The following HTR4 variants were observed in gnomAD, a reference collection of about 807,000 sequenced individuals.
HTR4 encodes 5-hydroxytryptamine (serotonin) receptor 4, G protein-coupled.
HTR4 carries 16 observed loss-of-function variants against 36.8 expected under a neutral mutation model. That is an observed-to-expected ratio of 0.43 (90% CI 0.29 to 0.66). The LOEUF is 0.66. Among genes scored for constraint, HTR4 ranks in the 30% least tolerant of loss-of-function variants. The pLI, the probability that HTR4 is intolerant of heterozygous loss-of-function variation, is 0.13. For missense variants in HTR4, 438 were observed against 490.9 expected (o/e 0.89, Z 1.02); for synonymous variants, 189 against 185.1 (o/e 1.02, Z -0.17).
intron 2 of HTR4, among the ~76,000 whole-genome samples, chr5:148,553,904 G>T (rs1156681715): frequency 6.6e-6 from 1 of 152,130 alleles, no homozygotes; most frequent in Non-Finnish European, 1.5e-5. Context: ...TGAAAGCAGG[G>T]ATACAAACAG....
intron 1 of HTR4, among the ~76,000 whole-genome samples, chr5:148,651,220 A>T (rs1272225787): frequency 6.6e-6 from 1 of 152,184 alleles, no homozygotes; most frequent in Non-Finnish European, 1.5e-5. Flanking sequence ...TTATTATTAT[A>T]TTGCCTTCCA....
exon 6 of HTR4, chr5:148,451,148 T>C (rs763150311): frequency 3.7e-6 from 6 of 1,612,956 alleles, no homozygotes; most frequent in Non-Finnish European, 5.1e-6. Context: ...CAAACATGAA[T>C]GCGAATGAAT....
At chr5:148,580,396 C>T (rs987100824) in intron 2 of HTR4, among the ~76,000 whole-genome samples, 7 of 151,994 alleles carry the variant, frequency 4.6e-5, no homozygotes, top group African/African-American at 1.7e-4. Flanking sequence ...TGCCAAAATT[C>T]CCCCTTTTTA....
chr5:148,515,492 A>G (rs1757699173), intron 5 of HTR4, among the ~76,000 whole-genome samples: 1 of 152,190 alleles, frequency 6.6e-6, no homozygotes, highest in Non-Finnish European at 1.5e-5. Flanking sequence ...AAAAATTCCC[A>G]TAAAAGTCAC....
chr5:148,493,583 T>C (rs1163799432), intron 6 of HTR4, among the ~76,000 whole-genome samples: 1 of 152,134 alleles, frequency 6.6e-6, no homozygotes, highest in Non-Finnish European at 1.5e-5. Context: ...CAATGATGAA[T>C]GATAAATTGG....
intron 1 of HTR4, chr5:148,645,616 T>C (rs960283093): frequency 2.0e-5 from 3 of 152,176 alleles, no homozygotes; most frequent in Admixed American, 2.0e-4. Context: ...AGCAGCCTCA[T>C]CTGTATAATG....
intron 5 of HTR4, chr5:148,451,357 C>T (rs1284031453): frequency 1.3e-6 from 2 of 1,597,672 alleles, no homozygotes; most frequent in African/African-American, 1.3e-5. Context: ...CTACTCTTGA[C>T]TTCCTTTCTT....
intron 5 of HTR4, among the ~76,000 whole-genome samples, chr5:148,456,177 A>G (rs1253016248): frequency 6.6e-6 from 1 of 152,192 alleles, no homozygotes; most frequent in Non-Finnish European, 1.5e-5. Context: ...TTATAAAGAC[A>G]TACCCTGGGT....
chr5:148,548,530 A>T, intron 4 of HTR4, 138 bp downstream of exon 4: 1 of 753,428 alleles, frequency 1.3e-6, no homozygotes, highest in Non-Finnish European at 2.2e-6. Flanking sequence ...CTGGAGAATG[A>T]CTGTATAACT....
intron 5 of HTR4, chr5:148,451,284 G>A: frequency 1.9e-6 from 3 of 1,613,590 alleles, no homozygotes; most frequent in Non-Finnish European, 2.5e-6. Context: ...TAGAAAGGAA[G>A]GAAAGAAGGC....
At chr5:148,545,346 T>G (rs1343181247) in intron 4 of HTR4, among the ~76,000 whole-genome samples, 1 of 152,242 alleles carries the variant, frequency 6.6e-6, no homozygotes, top group Non-Finnish European at 1.5e-5. Flanking sequence ...TGTTCAATCG[T>G]GTTTGTCAAA....
chr5:148,540,455 T>C (rs1224203218), intron 4 of HTR4, among the ~76,000 whole-genome samples: 1 of 140,078 alleles, frequency 7.1e-6, no homozygotes, highest in Admixed American at 7.1e-5. Context: ...TATAATCTTA[T>C]ATATAATTTT....
chr5:148,513,166 T>G (rs1209360661), intron 5 of HTR4, among the ~76,000 whole-genome samples: 1 of 152,032 alleles, frequency 6.6e-6, no homozygotes, highest in Non-Finnish European at 1.5e-5. Context: ...TTTTTAAATA[T>G]TTTTTGTAAA....
intron 5 of HTR4, chr5:148,461,823 G>A (rs898904649): frequency 5.3e-5 from 8 of 151,942 alleles, no homozygotes; most frequent in Non-Finnish European, 8.8e-5. Flanking sequence ...TTCTTCTTAA[G>A]TTCATATGGA....
rs1046003443 is a variant in HTR4, at chr5:148,481,975, T to C, written c.*1228A>G. ...GAGGTAGCAGACGGCTATAGCAGCA[T>C]ACTGTTGTCTTAGAAACAGAAAGAA... On this transcript the variant is annotated 3_prime_UTR_variant, in exon 7 of 7. Coordinates refer to ENST00000377888, the MANE Select transcript of HTR4 (RefSeq NM_000870.7). The C allele has an allele frequency of 9.7e-7, 1 of 1,028,310 alleles. No homozygotes were observed. Among genetic ancestry groups the C allele is most frequent in the Non-Finnish European group, 1.2e-6 (1 of 858,630 alleles). The allele number at this position is 1,028,310 out of a possible 1,614,324, so 63.7% of individuals were successfully genotyped here.
intron 5 of HTR4, among the ~76,000 whole-genome samples, chr5:148,458,066 CTATT>C (rs1422936867): frequency 1.1e-5 from 1 of 89,246 alleles, no homozygotes; most frequent in Non-Finnish European, 2.5e-5. Flanking sequence ...ATTTTAAGAT[CTATT>C]TAATAGATCT....
chr5:148,549,223 C>T (rs1759555125), intron 3 of HTR4, among the ~76,000 whole-genome samples: 2 of 152,146 alleles, frequency 1.3e-5, no homozygotes, highest in East Asian at 1.9e-4. Flanking sequence ...TTTCTTCCAA[C>T]GGTTGCCTGG....
intron 2 of HTR4, among the ~76,000 whole-genome samples, chr5:148,626,379 A>G (rs1561657657): frequency 1.3e-5 from 2 of 152,246 alleles, no homozygotes; most frequent in African/African-American, 2.4e-5. Flanking sequence ...CTTGTCTAAA[A>G]GTCACACTAA....
At chr5:148,569,417 A>G (rs1053842340) in intron 2 of HTR4, among the ~76,000 whole-genome samples, 2 of 152,116 alleles carry the variant, frequency 1.3e-5, no homozygotes, top group African/African-American at 4.8e-5. Flanking sequence ...CTTAATGCCT[A>G]TGTGATGAGT....
Sources: gnomAD v4.1 joint callset for allele counts (sites outside exome capture counted in the v4.1 genomes callset) on GRCh38, gnomAD v4.1.1 for gene constraint, MANE v1.5 for transcripts, NCBI Gene and HGNC (gene_info 2026-07-23, HGNC 2026-07-21) for gene names.